SBF2: variants seen among roughly 807,000 people sequenced by gnomAD.
SBF2 encodes the protein myotubularin-related protein 13.
SBF2 carries 112 observed loss-of-function variants against 225.2 expected under a neutral mutation model. The ratio of observed to expected loss-of-function variants is 0.50; its 90% confidence interval spans 0.43 to 0.58. SBF2 has a LOEUF of 0.58. Ranked by LOEUF, SBF2 falls within the 20% of genes least tolerant of loss-of-function variation. SBF2 has a pLI of 0.00. For missense variants in SBF2, 1,996 were observed against 2,206.2 expected (o/e 0.90, Z 1.91); for synonymous variants, 763 against 773.3 (o/e 0.99, Z 0.22).
rs192493956 is a variant in SBF2 at position 10,193,455 on chromosome 11, T to C, written c.141+447A>G. On this transcript the variant is annotated intron_variant, in intron 2 of 39. Coordinates refer to ENST00000256190, the MANE Select transcript of SBF2 (RefSeq NM_030962.4). ...CTGCAAGCTCCGCCTCCCGGGTTCATGCCATTCTCCTGCCTCAGCCTCCTG... is the reference window on the plus strand; with the variant it reads ...CTGCAAGCTCCGCCTCCCGGGTTCACGCCATTCTCCTGCCTCAGCCTCCTG... Among the ~76,000 whole-genome samples the C allele has an allele frequency of 3.3e-4, 50 of 150,410 alleles. No homozygotes were observed. The East Asian group carries it at 5.5e-3, about 17-fold the overall frequency.
rs1856592398 is a variant in SBF2 at position 9,846,953 on chromosome 11, T to C, written c.2934+3A>G. 5.6e-6 allele frequency: 9 copies of C among 1,613,674 alleles called. No individual in the cohort carries two copies. The highest frequency in any genetic ancestry group is 7.6e-6 in the Non-Finnish European group (9 of 1,179,576). ...GTAAAACAATGGCTTCCTTTTTTAA[T>C]ACCTGAAAAGATGCTGATGTGATCT... On this transcript the variant is annotated splice_donor_region_variant and intron_variant, in intron 23 of 39. Coordinates refer to ENST00000256190, the MANE Select transcript of SBF2 (RefSeq NM_030962.4).
At chr11:9,835,137 G>A (rs1855653934) in intron 26 of SBF2, among the ~76,000 whole-genome samples, 1 of 152,162 alleles carries the variant, frequency 6.6e-6, no homozygotes, top group Non-Finnish European at 1.5e-5. Context: ...GGGCTCCACA[G>A]TTAACTCTCA....
intron 1 of SBF2, among the ~76,000 whole-genome samples, chr11:10,263,132 T>C (rs1961606027): frequency 6.6e-6 from 1 of 152,096 alleles, no homozygotes; most frequent in South Asian, 2.1e-4. Context: ...TTTCTATACC[T>C]ATTGAAGGCC....
intron 16 of SBF2, among the ~76,000 whole-genome samples, chr11:9,951,732 G>A (rs1865871933): frequency 6.6e-6 from 1 of 152,172 alleles, no homozygotes; most frequent in South Asian, 2.1e-4. Context: ...AGTGATACAG[G>A]CACCCAAGAA....
chr11:10,190,658 C>T (rs985789157), intron 2 of SBF2, among the ~76,000 whole-genome samples: 8 of 152,116 alleles, frequency 5.3e-5, no homozygotes, highest in African/African-American at 1.7e-4. Flanking sequence ...AACTTACATA[C>T]ATCAATTATG....
chr11:9,945,048 T>C (rs1188057346), intron 16 of SBF2, among the ~76,000 whole-genome samples: 1 of 152,098 alleles, frequency 6.6e-6, no homozygotes, highest in Non-Finnish European at 1.5e-5. Flanking sequence ...GAGGATGCAG[T>C]GGGCCATGAT....
chr11:10,300,284 T>TA (rs1964582679), intron 1 of SBF2, among the ~76,000 whole-genome samples: 1 of 152,210 alleles, frequency 6.6e-6, no homozygotes, highest in African/African-American at 2.4e-5. Context: ...GTTGAGAACT[T>TA]AGCACAGTGC....
intron 16 of SBF2, among the ~76,000 whole-genome samples, chr11:9,919,270 C>CTTTTTT (rs779718076): frequency 1.4e-5 from 2 of 139,910 alleles, no homozygotes; most frequent in Non-Finnish European, 3.0e-5. Flanking sequence ...TCTTCTTCTT[C>CTTTTTT]TTTTTTTTTT....
intron 19 of SBF2, among the ~76,000 whole-genome samples, chr11:9,855,289 G>C (rs1259967697): frequency 6.6e-6 from 1 of 152,172 alleles, no homozygotes; most frequent in Non-Finnish European, 1.5e-5. Flanking sequence ...GTCTAGCCTG[G>C]AAGACCAGAA....
chr11:10,097,512 T>C (rs375033660), intron 2 of SBF2, among the ~76,000 whole-genome samples: 2 of 152,034 alleles, frequency 1.3e-5, no homozygotes, highest in Non-Finnish European at 2.9e-5. Context: ...TTTAAAATAT[T>C]CCAAAACACA....
At chr11:10,092,969 G>A (rs961508845) in intron 2 of SBF2, among the ~76,000 whole-genome samples, 3 of 151,312 alleles carry the variant, frequency 2.0e-5, no homozygotes, top group Non-Finnish European at 2.9e-5. Context: ...CATTTACACT[G>A]TGTATGATTC....
At chr11:9,942,340 A>G (rs999377584) in intron 16 of SBF2, among the ~76,000 whole-genome samples, 2 of 152,210 alleles carry the variant, frequency 1.3e-5, no homozygotes, top group African/African-American at 4.8e-5. Context: ...GGCATGAGCT[A>G]CTGTGCCCAG....
chr11:9,999,130 T>A (rs939805931), intron 8 of SBF2, among the ~76,000 whole-genome samples: 8 of 152,148 alleles, frequency 5.3e-5, no homozygotes, highest in African/African-American at 1.9e-4. Flanking sequence ...CCAAGATGAG[T>A]GAAGTTGTTA....
At chr11:9,899,613 T>C (rs1861556735) in intron 16 of SBF2, among the ~76,000 whole-genome samples, 5 of 151,882 alleles carry the variant, frequency 3.3e-5, no homozygotes, top group Admixed American at 3.3e-4. Flanking sequence ...CCTTTGATTC[T>C]TGAGAATTAG....
chr11:9,958,296 G>A (rs1321037687), intron 16 of SBF2: 1 of 150,712 alleles, frequency 6.6e-6, no homozygotes, highest in African/African-American at 2.4e-5. Context: ...CCCAGCCAAA[G>A]AAAGAAAGCA....
At chr11:10,081,747 A>T (rs7942420) in intron 2 of SBF2, among the ~76,000 whole-genome samples, 2 of 146,386 alleles carry the variant, frequency 1.4e-5, no homozygotes, top group Non-Finnish European at 3.0e-5. Context: ...CCCACAGAGC[A>T]AGACTCCACC....
intron 32 of SBF2, among the ~76,000 whole-genome samples, chr11:9,803,407 A>C (rs188622162): frequency 5.3e-5 from 8 of 152,336 alleles, no homozygotes; most frequent in Admixed American, 5.2e-4. Flanking sequence ...TGCTTTAATC[A>C]TACCACTTAA....
intron 2 of SBF2, among the ~76,000 whole-genome samples, chr11:10,160,778 T>C (rs1420463291): frequency 6.6e-6 from 1 of 152,202 alleles, no homozygotes; most frequent in Non-Finnish European, 1.5e-5. Flanking sequence ...TTTTCATATC[T>C]GTACCTCTGC....
chr11:9,971,457 T>C (rs930400978), intron 13 of SBF2, among the ~76,000 whole-genome samples: 1 of 152,046 alleles, frequency 6.6e-6, no homozygotes, highest in African/African-American at 2.4e-5. Context: ...AGTGGGCAGA[T>C]CACTTTAGTC....
Sources: gnomAD v4.1 joint callset for allele counts (sites outside exome capture counted in the v4.1 genomes callset) on GRCh38, gnomAD v4.1.1 for gene constraint, MANE v1.5 for transcripts, NCBI Gene and HGNC (gene_info 2026-07-23, HGNC 2026-07-21) for gene names.